The following LRMDA variants were observed in gnomAD, a reference collection of about 807,000 sequenced individuals.
LRMDA encodes the protein leucine-rich melanocyte differentiation-associated protein.
In LRMDA, 18 loss-of-function variants were observed where a neutral mutation model predicts 29.8. The observed-to-expected ratio is 0.60, with a 90% CI of 0.42 to 0.90. LRMDA has a LOEUF of 0.90. Among genes scored for constraint, LRMDA ranks in the 40% least tolerant of loss-of-function variants. LRMDA has a pLI of 0.00. For synonymous variants in LRMDA, 125 were observed against 109.4 expected, an observed-to-expected ratio of 1.14 and a Z score of -0.89; for missense variants, 273 against 273.9, an observed-to-expected ratio of 1.00 and a Z score of 0.02.
In LRMDA at chr10:76,262,853, G is replaced by A. The variant is rs1226499715; in HGVS notation, c.517-61548G>A. Among the ~76,000 whole-genome samples, 3 of 152,240 alleles carry A rather than the reference G, an allele frequency of 2.0e-5. No individual in the cohort carries two copies. The East Asian group carries it at 5.8e-4, about 29-fold the overall frequency. ...CTTGTGACACTCTGTTTCCACAGCT[G>A]GCTCTGGCCTGTGCCTGACTGCTGC... is the stretch of plus-strand genomic sequence containing the variant. On this transcript the variant is annotated intron_variant, in intron 5 of 6. Coordinates refer to ENST00000611255, the MANE Select transcript of LRMDA (RefSeq NM_001305581.2).
At chr10:76,521,336 G>A (rs1011223252) in intron 6 of LRMDA, among the ~76,000 whole-genome samples, 2 of 151,982 alleles carry the variant, frequency 1.3e-5, no homozygotes, top group Non-Finnish European at 2.9e-5. Flanking sequence ...GGGTTTCACC[G>A]TGTTAACCAG....
chr10:75,582,334 AG>A lies in LRMDA; in HGVS notation c.131+143842del, dbSNP rs370422874. 2.9e-3 allele frequency among the ~76,000 whole-genome samples: 437 copies of A among 152,294 alleles called. 4 individuals carry two copies. The highest frequency in any genetic ancestry group is 9.9e-3 in the African/African-American group (411 of 41,562). ...CTTTTGCATATATGCTCTGAAATCTAGGTGGAGTCTCCCAAGCCCCAGCTCT... is the reference window on the plus strand; with the variant it reads ...CTTTTGCATATATGCTCTGAAATCTAGTGGAGTCTCCCAAGCCCCAGCTCT... On this transcript the variant is annotated intron_variant, in intron 2 of 6. Transcript: ENST00000611255.
intron 2 of LRMDA, among the ~76,000 whole-genome samples, chr10:75,822,478 G>A (rs552064285): frequency 5.3e-5 from 8 of 151,642 alleles, no homozygotes; most frequent in Non-Finnish European, 1.2e-4. Flanking sequence ...AATTAATATG[G>A]AACCAAAAAA....
intron 5 of LRMDA, among the ~76,000 whole-genome samples, chr10:76,114,057 C>A (rs1849624821): frequency 6.6e-6 from 1 of 152,134 alleles, no homozygotes; most frequent in African/African-American, 2.4e-5. Context: ...TATATTGTTT[C>A]CAGCACTTGG....
At position 76,502,742 on chromosome 10, in the gene LRMDA, T is replaced by C. The variant is rs1442480600; in HGVS notation, c.602-54467T>C. Among the ~76,000 whole-genome samples, 7 of 151,418 alleles carry C rather than the reference T, an allele frequency of 4.6e-5. No individual in the cohort carries two copies. The South Asian group carries it at 6.2e-4, about 13-fold the overall frequency. On this transcript the variant is annotated intron_variant, in intron 6 of 6. Coordinates refer to ENST00000611255, the MANE Select transcript of LRMDA (RefSeq NM_001305581.2). ...AAACTTTACTACAATTTTTCCTTTT[T>C]TTTCTTTCTTTTTTTTTTGCTAAAG...
At chr10:75,506,644 T>C (rs984564003) in intron 2 of LRMDA, among the ~76,000 whole-genome samples, 2 of 152,146 alleles carry the variant, frequency 1.3e-5, no homozygotes, top group African/African-American at 2.4e-5. Context: ...TGGAGAGACA[T>C]GGACCATGCT....
intron 2 of LRMDA, among the ~76,000 whole-genome samples, chr10:75,730,643 G>A (rs2132198036): frequency 6.6e-6 from 1 of 152,268 alleles, no homozygotes. Flanking sequence ...GGCCTGGCCT[G>A]GGTTGCTCTT....
chr10:75,543,157 A>C (rs539715109), intron 2 of LRMDA, among the ~76,000 whole-genome samples: 1 of 152,228 alleles, frequency 6.6e-6, no homozygotes, highest in African/African-American at 2.4e-5. Context: ...GGTGCTGGCC[A>C]TGCCAGAGCA....
intron 2 of LRMDA, among the ~76,000 whole-genome samples, chr10:75,503,279 G>C (rs1845135425): frequency 6.6e-6 from 1 of 152,038 alleles, no homozygotes; most frequent in Non-Finnish European, 1.5e-5. Flanking sequence ...TGACTTTTAG[G>C]GAAATTTCAT....
intron 2 of LRMDA, among the ~76,000 whole-genome samples, chr10:75,993,809 AAT>A (rs1190328707): frequency 6.6e-6 from 1 of 152,036 alleles, no homozygotes; most frequent in East Asian, 1.9e-4. Flanking sequence ...CTGGCCTGAG[AAT>A]AGAGTCTGTG....
rs1181103441 is a variant in LRMDA at position 76,290,240 on chromosome 10, A to G, written c.517-34161A>G. Reference sequence around the variant, plus strand: ...GTCAGCTGGTTTAAAGAGTTATGTAAGGTACATTAGCCCTTAAACATATTT... The same window carrying G: ...GTCAGCTGGTTTAAAGAGTTATGTAGGGTACATTAGCCCTTAAACATATTT... On this transcript the variant is annotated intron_variant, in intron 5 of 6. Coordinates refer to ENST00000611255, the MANE Select transcript of LRMDA (RefSeq NM_001305581.2). Among the ~76,000 whole-genome samples, 7 of 152,228 alleles carry G rather than the reference A, an allele frequency of 4.6e-5. No individual in the cohort carries two copies. In the South Asian group the frequency reaches 1.5e-3, roughly 32 times the overall value.
intron 2 of LRMDA, among the ~76,000 whole-genome samples, chr10:75,877,775 A>T (rs1845224220): frequency 6.6e-6 from 1 of 152,238 alleles, no homozygotes; most frequent in South Asian, 2.1e-4. Flanking sequence ...GGAGGGGCTG[A>T]TGGGACTCCT....
chr10:75,729,079 T>C (rs2132196227), intron 2 of LRMDA, among the ~76,000 whole-genome samples: 1 of 152,274 alleles, frequency 6.6e-6, no homozygotes, highest in East Asian at 1.9e-4. Flanking sequence ...CCCCCAGCCC[T>C]CTCTTTTGCC....
At chr10:76,307,845 C>T (rs1023983676) in intron 5 of LRMDA, among the ~76,000 whole-genome samples, 10 of 152,060 alleles carry the variant, frequency 6.6e-5, no homozygotes, top group African/African-American at 2.4e-4. Context: ...TGGATCTAAC[C>T]GTATATGAAA....
Position 75,882,565 on chromosome 10 carries a change from G to A in LRMDA, c.132-153443G>A, listed in dbSNP as rs117779781. 4.6e-5 allele frequency: 7 copies of A among 152,320 alleles called. No homozygotes were observed. The East Asian group carries it at 1.3e-3, about 29-fold the overall frequency. 9.4% of individuals were successfully genotyped at this position (152,320 alleles called of 1,614,324 possible). On this transcript the variant is annotated intron_variant, in intron 2 of 6. Transcript: ENST00000611255. ...GATATATGTCTTTTCTATGTAGCAT[G>A]TACACAGGAGGCACTTAATAAATGC...
intron 2 of LRMDA, among the ~76,000 whole-genome samples, chr10:75,918,568 A>G (rs1589253058): frequency 1.3e-5 from 2 of 152,148 alleles, no homozygotes; most frequent in African/African-American, 4.8e-5. Flanking sequence ...CCATGATCCA[A>G]TCACCTCCCA....
chr10:76,371,406 A>G (rs1406699639), intron 6 of LRMDA, among the ~76,000 whole-genome samples: 1 of 152,076 alleles, frequency 6.6e-6, no homozygotes, highest in East Asian at 1.9e-4. Flanking sequence ...TTGGAGTCAA[A>G]CACACTTTAT....
intron 5 of LRMDA, among the ~76,000 whole-genome samples, chr10:76,130,344 C>T (rs190780151): frequency 5.3e-5 from 8 of 152,324 alleles, no homozygotes; most frequent in Admixed American, 1.3e-4. Flanking sequence ...GGAACCTCAC[C>T]TCTGTTACTC....
intron 2 of LRMDA, among the ~76,000 whole-genome samples, chr10:75,695,332 A>G (rs924323685): frequency 2.0e-5 from 3 of 152,060 alleles, no homozygotes; most frequent in African/African-American, 7.2e-5. Context: ...TTAAAATACA[A>G]TTGCTTTAAT....
Sources: allele counts gnomAD v4.1 joint callset (sites outside exome capture counted in the v4.1 genomes callset), GRCh38; gene constraint gnomAD v4.1.1; transcripts MANE v1.5; gene names NCBI Gene and HGNC (gene_info 2026-07-23, HGNC 2026-07-21).